SLC38A5: variants seen among roughly 807,000 people sequenced by gnomAD.
The protein encoded by SLC38A5 is solute carrier family 38 member 5, also known as sodium-coupled neutral amino acid transporter 5.
Under a neutral mutation model 34.6 loss-of-function variants are expected in SLC38A5, and 9 were observed. The ratio of observed to expected loss-of-function variants is 0.26; its 90% CI spans 0.16 to 0.45. SLC38A5 has a LOEUF of 0.45. Among genes scored for constraint, SLC38A5 ranks in the 20% least tolerant of loss-of-function variants. The probability of loss-of-function intolerance (pLI) is 1.00; values close to 1 mark genes in which losing one functional copy is unlikely to be tolerated. For missense variants in SLC38A5, 253 were observed against 394.7 expected (o/e 0.64, Z 3.04); for synonymous variants, 157 against 155.6 (o/e 1.01, Z -0.07).
At chrX:48,463,043 C>A in intron 8 of SLC38A5, 63 bp from the exon 9 acceptor site, 1 of 911,969 alleles carries the variant, frequency 1.1e-6, no homozygotes, top group South Asian at 2.4e-5. Flanking sequence ...GGCAGACACT[C>A]ACAGAAGACA....
Position 48,458,858 on chromosome X carries a change from G to A in SLC38A5, c.*75C>T. 1.8e-6 allele frequency: 2 copies of A among 1,118,702 alleles called. No homozygotes were observed. The highest frequency in any genetic ancestry group is 1.8e-5 in the African/African-American group (1 of 54,989). 92.2% of individuals were successfully genotyped at this position (1,118,702 alleles called of 1,213,427 possible). On this transcript the variant is annotated 3_prime_UTR_variant, in exon 17 of 17. Transcript: ENST00000620913. ...GGAACCAGCCACCTCCACATGTTGG[G>A]CAGGAGGGACCCTAGGGAGCGGCCC...
intron 12 of SLC38A5, among the ~76,000 whole-genome samples, 191 bp from the exon 13 acceptor site, chrX:48,461,277 G>C (rs12014551): frequency 0.11 from 12,274 of 110,022 alleles, 1,677 homozygotes; most frequent in African/African-American, 0.39. Flanking sequence ...TATCTCCCCC[G>C]ATATGACTGT....
chrX:48,460,133 C>T (rs895062479), intron 14 of SLC38A5, among the ~76,000 whole-genome samples: 4 of 111,220 alleles, frequency 3.6e-5, no homozygotes, highest in African/African-American at 1.3e-4. Context: ...TGTCTGAAAT[C>T]CTTGCCTCCT....
intron 2 of SLC38A5, chrX:48,468,392 C>T (rs5906672): frequency 0.039 from 29,454 of 762,654 alleles, 435 homozygotes; most frequent in Non-Finnish European, 0.041. Flanking sequence ...CGTGGCCAGG[C>T]GGCTCACTCC....
chrX:48,460,342 T>G (rs1266928450), intron 14 of SLC38A5, among the ~76,000 whole-genome samples: 1 of 110,797 alleles, frequency 9.0e-6, no homozygotes, highest in Non-Finnish European at 1.9e-5. Flanking sequence ...CATCCCTGTT[T>G]CTTAATTCTA....
Position 48,466,975 on chromosome X carries a change from C to T in SLC38A5, c.232G>A (p.Val78Ile), listed in dbSNP as rs1556963595. ...CTATGGACTCACAGGAAGAAGATGACCCCCGTGTGGGCCATGGCATAGGCC... is the reference window on the plus strand; with the variant it reads ...CTATGGACTCACAGGAAGAAGATGATCCCCGTGTGGGCCATGGCATAGGCC... ...GLAYAMAHTG[V>I]IFFLALLLCI... The change falls in exon 5 of 17, where the codon GTC becomes ATC. Residue 78 changes from valine to isoleucine, a missense_variant. By Grantham distance (29) the Val-to-Ile change is conservative. Around this residue, in one of 3 missense-constraint regions of SLC38A5, gnomAD observed 37 missense variants for 85.3 expected, o/e 0.43. Coordinates refer to ENST00000620913, the MANE Select transcript of SLC38A5 (RefSeq NM_033518.4). The T allele has an allele frequency of 7.4e-6, 9 of 1,210,561 alleles. No homozygotes were observed. In the Admixed American group the frequency reaches 1.7e-4, roughly 23 times the overall value.
intron 8 of SLC38A5, 127 bp from the exon 9 acceptor site, chrX:48,463,107 G>T: frequency 2.0e-6 from 1 of 495,581 alleles, no homozygotes; most frequent in Non-Finnish European, 3.4e-6. Flanking sequence ...GACAACCTCA[G>T]CTTGAGAAGT....
intron 2 of SLC38A5, chrX:48,468,258 G>C: frequency 1.1e-6 from 1 of 920,317 alleles, no homozygotes; most frequent in Non-Finnish European, 1.3e-6. Context: ...CAGATGAGCC[G>C]ACCACGTGGA....
intron 8 of SLC38A5, 59 bp downstream of exon 8, chrX:48,465,956 C>T (rs372495986): frequency 3.8e-4 from 375 of 979,692 alleles, no homozygotes; most frequent in Non-Finnish European, 4.7e-4. Flanking sequence ...AGATACTGAC[C>T]GGGCCTCACA....
At position 48,462,054 on chromosome X, in the gene SLC38A5, C is replaced by T. The variant is rs2061438127; in HGVS notation, c.724G>A (p.Gly242Arg). 31 of 1,161,539 alleles carry T rather than the reference C, an allele frequency of 2.7e-5. No individual in the cohort carries two copies. The highest frequency in any genetic ancestry group is 2.9e-5 in the Non-Finnish European group (25 of 868,927). ...TGGGCCTCACAGCTGCTGTTGAGTCCTTGGCTGGGGAGTCCCACGAGAGCT... is the reference window on the plus strand; with the variant it reads ...TGGGCCTCACAGCTGCTGTTGAGTCTTTGGCTGGGGAGTCCCACGAGAGCT... The part of the protein sequence containing the change: ...SEALVGLPSQ[G>R]LNSSCEAQMF... The change falls in exon 11 of 17, where the codon GGA becomes AGA. Residue 242 changes from glycine to arginine, a missense_variant. Physicochemically the swap from Gly to Arg is moderately radical, Grantham distance 125 (BLOSUM62 -2). Coordinates refer to ENST00000620913, the MANE Select transcript of SLC38A5 (RefSeq NM_033518.4).
rs1393184907 is a variant in SLC38A5, at chrX:48,462,158, C to A, written c.634-14G>T. On this transcript the variant is annotated splice_polypyrimidine_tract_variant and intron_variant, in intron 10 of 16. Transcript: ENST00000620913. ...CTTGTAGATGACCTGAGGATGGGGG[C>A]AGCAGGGAAGCCAGGTCATGGAGGA... 28 of 1,207,741 alleles carry A rather than the reference C, an allele frequency of 2.3e-5. 1 individual carries two copies.
intron 2 of SLC38A5, 130 bp downstream of exon 2, chrX:48,469,205 A>G (rs983324091): frequency 7.0e-6 from 1 of 143,801 alleles, no homozygotes; most frequent in Non-Finnish European, 1.2e-5. Flanking sequence ...ACCTCCCCAT[A>G]CACGCCATTC....
intron 8 of SLC38A5, among the ~76,000 whole-genome samples, chrX:48,463,271 A>C (rs1556962333): frequency 8.9e-6 from 1 of 112,667 alleles, no homozygotes; most frequent in African/African-American, 3.2e-5. Context: ...TTGCACAACC[A>C]GAAGGTCAAA....
At position 48,458,658 on chromosome X, in the gene SLC38A5, GCCTCCTCCT is replaced by G. The variant is rs782262041; in HGVS notation, c.*266_*274del. ...TGGGCAAAGGCTCCACCAGGACCTG[GCCTCCTCCT>G]CCTCCTCCTCCTCCTCCTCCTCCTC... is the stretch of plus-strand genomic sequence containing the variant. On this transcript the variant is annotated 3_prime_UTR_variant, in exon 17 of 17. Coordinates refer to ENST00000620913, the MANE Select transcript of SLC38A5 (RefSeq NM_033518.4). 583 of 784,900 alleles carry G rather than the reference GCCTCCTCCT, an allele frequency of 7.4e-4. No individual in the cohort carries two copies. Among genetic ancestry groups the G allele is most frequent in the Non-Finnish European group, 8.7e-4 (550 of 632,073 alleles). The allele number at this position is 784,900 out of a possible 1,213,427, so 64.7% of individuals were successfully genotyped here.
At position 48,460,639 on chromosome X, in the gene SLC38A5, C is replaced by T; in HGVS notation, c.1068+10G>A. 8 of 1,208,426 alleles carry T rather than the reference C, an allele frequency of 6.6e-6. No individual in the cohort carries two copies. Among genetic ancestry groups the T allele is most frequent in the Non-Finnish European group, 9.0e-6 (8 of 892,802 alleles). ...CATCCATGTCCCTCTCAGCCGTGGG[C>T]CCCACGCACAGGGAACAGCACGACT... On this transcript the variant is annotated intron_variant, in intron 14 of 16. Transcript: ENST00000620913.
intron 9 of SLC38A5, 122 bp from the exon 10 acceptor site, chrX:48,462,413 C>G: frequency 1.5e-6 from 1 of 666,470 alleles, no homozygotes; most frequent in African/African-American, 2.2e-5. Flanking sequence ...TCGAGACCAG[C>G]CTGGCCAACA....
intron 2 of SLC38A5, chrX:48,468,837 A>T (rs1307214248): frequency 2.1e-5 from 16 of 750,901 alleles, no homozygotes; most frequent in Non-Finnish European, 2.5e-5. Flanking sequence ...CCTCCGGAGG[A>T]AGAGCTATTT....
At chrX:48,466,580 G>A (rs989983598) in intron 6 of SLC38A5, among the ~76,000 whole-genome samples, 12 of 107,182 alleles carry the variant, frequency 1.1e-4, no homozygotes, top group Admixed American at 2.0e-4. Flanking sequence ...GACCATGGTA[G>A]GAGCTGGGGA....
At chrX:48,466,685 G>A (rs2061479406) in intron 6 of SLC38A5, 114 bp downstream of exon 6, 1 of 820,325 alleles carries the variant, frequency 1.2e-6, no homozygotes, top group African/African-American at 2.1e-5. Context: ...CTGCATTCAG[G>A]GAGCTGGGTC....
Sources: allele counts gnomAD v4.1 joint callset (sites outside exome capture counted in the v4.1 genomes callset), GRCh38; gene constraint gnomAD v4.1.1; regional missense constraint gnomAD v4.1.1; transcripts MANE v1.5; gene names NCBI Gene and HGNC (gene_info 2026-07-23, HGNC 2026-07-21).